PHACTR1: variants seen among roughly 807,000 people sequenced by gnomAD.
PHACTR1 encodes RPEL repeat containing 1.
PHACTR1 carries 16 observed loss-of-function variants against 69.2 expected under a neutral mutation model. The observed-to-expected ratio is 0.23, with a 90% CI of 0.16 to 0.35. PHACTR1 has a LOEUF of 0.35. PHACTR1 is among the 10% of genes least tolerant of loss of function. PHACTR1 has a pLI of 1.00. For missense variants in PHACTR1, 510 were observed against 734.7 expected (o/e 0.69, Z 3.54); for synonymous variants, 312 against 284.5 (o/e 1.10, Z -0.97).
chr6:12,901,908 A>G (rs1785235640), intron 4 of PHACTR1, among the ~76,000 whole-genome samples: 1 of 152,210 alleles, frequency 6.6e-6, no homozygotes, highest in Admixed American at 6.5e-5. Flanking sequence ...TATGCTTGAC[A>G]GTGGTTTCTC....
intron 4 of PHACTR1, among the ~76,000 whole-genome samples, chr6:12,916,323 G>A (rs1003854556): frequency 1.2e-4 from 18 of 152,152 alleles, no homozygotes; most frequent in Non-Finnish European, 5.9e-5. Context: ...CCAACTCACC[G>A]CCCTTGTGTG....
chr6:13,216,441 A>G (rs1229186758), intron 8 of PHACTR1, among the ~76,000 whole-genome samples: 1 of 152,248 alleles, frequency 6.6e-6, no homozygotes, highest in Non-Finnish European at 1.5e-5. Flanking sequence ...TGCCTCAGCA[A>G]GAATGAAACT....
At chr6:13,286,549 C>A (rs1048677722) in intron 14 of PHACTR1, among the ~76,000 whole-genome samples, 1 of 152,216 alleles carries the variant, frequency 6.6e-6, no homozygotes, top group Non-Finnish European at 1.5e-5. Flanking sequence ...CAATTTGCAA[C>A]CAGTCAGCAG....
intron 4 of PHACTR1, among the ~76,000 whole-genome samples, chr6:12,845,793 G>T (rs147453128): frequency 1.5e-4 from 23 of 152,200 alleles, no homozygotes; most frequent in African/African-American, 5.3e-4. Context: ...AAGGTGATTT[G>T]TCTCACCAGA....
intron 4 of PHACTR1, among the ~76,000 whole-genome samples, chr6:12,914,728 C>A (rs1786781890): frequency 6.6e-6 from 1 of 151,902 alleles, no homozygotes; most frequent in Admixed American, 6.6e-5. Flanking sequence ...AAAAAAGGAA[C>A]AATATTAAAA....
chr6:12,722,388 C>G (rs1343052549), intron 3 of PHACTR1, among the ~76,000 whole-genome samples: 1 of 152,168 alleles, frequency 6.6e-6, no homozygotes, highest in Non-Finnish European at 1.5e-5. Flanking sequence ...AAGATAACAC[C>G]TTCTGTATTA....
chr6:13,033,711 G>A (rs1802816533), intron 4 of PHACTR1, among the ~76,000 whole-genome samples: 1 of 152,130 alleles, frequency 6.6e-6, no homozygotes, highest in Non-Finnish European at 1.5e-5. Flanking sequence ...TGGCATAAAA[G>A]TTGTTTCAAC....
At chr6:13,106,251 C>T (rs941514701) in intron 5 of PHACTR1, among the ~76,000 whole-genome samples, 11 of 152,082 alleles carry the variant, frequency 7.2e-5, no homozygotes, top group African/African-American at 2.4e-4. Context: ...TTTATTTCTT[C>T]CTTTCCAATC....
chr6:12,966,504 A>C (rs529294487), intron 4 of PHACTR1, among the ~76,000 whole-genome samples: 22 of 152,310 alleles, frequency 1.4e-4, no homozygotes, highest in African/African-American at 4.6e-4. Flanking sequence ...TTGGAGGAAG[A>C]GAAGCACTAA....
chr6:12,747,144 A>G (rs1765886572), intron 3 of PHACTR1, among the ~76,000 whole-genome samples: 1 of 152,188 alleles, frequency 6.6e-6, no homozygotes, highest in Non-Finnish European at 1.5e-5. Context: ...ATAATGAGGC[A>G]TATGTCATAG....
chr6:13,286,452 A>G (rs1489979844), intron 14 of PHACTR1, among the ~76,000 whole-genome samples: 1 of 152,228 alleles, frequency 6.6e-6, no homozygotes, highest in Non-Finnish European at 1.5e-5. Flanking sequence ...TCACTCATTT[A>G]AACTAAAGGT....
chr6:13,115,724 C>A (rs1040592200), intron 5 of PHACTR1, among the ~76,000 whole-genome samples: 2 of 152,136 alleles, frequency 1.3e-5, no homozygotes, highest in Non-Finnish European at 2.9e-5. Flanking sequence ...GGGCTTGGGG[C>A]AGATAATGGA....
At chr6:13,225,563 T>A (rs2840336) in intron 8 of PHACTR1, among the ~76,000 whole-genome samples, 91,875 of 152,048 alleles carry the variant, frequency 0.6, 28,487 homozygotes, top group Admixed American at 0.69. Context: ...ACTACCTATG[T>A]GGTGGAGTTT....
intron 7 of PHACTR1, among the ~76,000 whole-genome samples, chr6:13,197,584 A>G (rs990251691): frequency 1.3e-5 from 2 of 151,982 alleles, no homozygotes; most frequent in South Asian, 2.1e-4. Context: ...TCTAGGGTAC[A>G]TGTGCACAAT....
chr6:13,175,467 T>C (rs896723916), intron 6 of PHACTR1, among the ~76,000 whole-genome samples: 4 of 152,122 alleles, frequency 2.6e-5, no homozygotes, highest in Admixed American at 6.5e-5. Context: ...ATAACAGGGC[T>C]CTCCCTGTGC....
chr6:13,056,515 A>G (rs1011946354), intron 5 of PHACTR1, among the ~76,000 whole-genome samples: 15 of 152,344 alleles, frequency 9.8e-5, no homozygotes, highest in African/African-American at 3.1e-4. Flanking sequence ...TAGCTAGTAT[A>G]CCTATCTTTG....
At chr6:13,082,190 C>A (rs1485417176) in intron 5 of PHACTR1, among the ~76,000 whole-genome samples, 1 of 152,246 alleles carries the variant, frequency 6.6e-6, no homozygotes, top group African/African-American at 2.4e-5. Context: ...CTTTTTCCTT[C>A]CACCGTTAGG....
intron 5 of PHACTR1, among the ~76,000 whole-genome samples, chr6:13,146,544 A>G (rs1823378987): frequency 6.6e-6 from 1 of 152,224 alleles, no homozygotes; most frequent in Admixed American, 6.5e-5. Flanking sequence ...TGATCCAACC[A>G]TGAGTCAAAA....
At chr6:13,141,825 A>C (rs1171599567) in intron 5 of PHACTR1, among the ~76,000 whole-genome samples, 1 of 136,732 alleles carries the variant, frequency 7.3e-6, no homozygotes, top group African/African-American at 2.8e-5. Flanking sequence ...ATATTCTGGG[A>C]TTGTTTTTTT....
Sources: allele counts gnomAD v4.1 joint callset (sites outside exome capture counted in the v4.1 genomes callset), GRCh38; gene constraint gnomAD v4.1.1; transcripts MANE v1.5; gene names NCBI Gene and HGNC (gene_info 2026-07-23, HGNC 2026-07-21).